Variants in DENND1A observed in about 807,000 individuals in gnomAD.
The protein encoded by DENND1A is DENN domain-containing protein 1A.
In DENND1A, 51 loss-of-function variants were observed where a neutral mutation model predicts 113.7. That is an observed-to-expected ratio of 0.45 (90% CI 0.36 to 0.57). DENND1A has a LOEUF of 0.57. Ranked by LOEUF, DENND1A falls within the 20% of genes least tolerant of loss-of-function variation. DENND1A has a pLI of 0.00. For synonymous variants in DENND1A, 565 were observed against 570.8 expected (o/e 0.99, Z 0.14); for missense variants, 1,258 against 1,395.9 (o/e 0.90, Z 1.57).
At chr9:123,545,499 C>T (rs978582143) in intron 13 of DENND1A, among the ~76,000 whole-genome samples, 2 of 151,952 alleles carry the variant, frequency 1.3e-5, no homozygotes, top group East Asian at 3.9e-4. Flanking sequence ...CAGAGTCTCG[C>T]TCTGTCGCCC....
intron 13 of DENND1A, among the ~76,000 whole-genome samples, chr9:123,551,022 T>C (rs1320185208): frequency 6.6e-6 from 1 of 152,222 alleles, no homozygotes; most frequent in Non-Finnish European, 1.5e-5. Flanking sequence ...ATAAATGAGC[T>C]GGAGCCTGGG....
chr9:123,403,663 G>C, intron 20 of DENND1A, 173 bp from the exon 21 acceptor site: 1 of 614,500 alleles, frequency 1.6e-6, no homozygotes, highest in Non-Finnish European at 2.9e-6. Flanking sequence ...ATAGGCAGCA[G>C]ACAGACACAT....
intron 4 of DENND1A, among the ~76,000 whole-genome samples, chr9:123,768,347 T>C (rs970082802): frequency 6.6e-6 from 1 of 152,172 alleles, no homozygotes; most frequent in Non-Finnish European, 1.5e-5. Context: ...TCTCATCTCA[T>C]ACCATTTTTA....
intron 13 of DENND1A, among the ~76,000 whole-genome samples, chr9:123,479,367 G>C (rs1183348689): frequency 6.6e-6 from 1 of 152,228 alleles, no homozygotes; most frequent in African/African-American, 2.4e-5. Flanking sequence ...ATGCTTTTCA[G>C]CCCTGCTTCT....
chr9:123,461,718 C>T (rs2048538227), intron 13 of DENND1A, among the ~76,000 whole-genome samples: 1 of 152,204 alleles, frequency 6.6e-6, no homozygotes, highest in South Asian at 2.1e-4. Flanking sequence ...ACATTTTGGG[C>T]CTGTTGTGTG....
At chr9:123,757,279 G>A (rs1005660884) in intron 5 of DENND1A, among the ~76,000 whole-genome samples, 2 of 152,144 alleles carry the variant, frequency 1.3e-5, no homozygotes, top group Admixed American at 6.5e-5. Context: ...AGGGGGCAAG[G>A]GTGTTACTTT....
chr9:123,686,715 A>G (rs1275530814), intron 5 of DENND1A, among the ~76,000 whole-genome samples: 2 of 152,228 alleles, frequency 1.3e-5, no homozygotes, highest in Non-Finnish European at 1.5e-5. Flanking sequence ...TGCCTCTGCT[A>G]TACCCTAAAT....
intron 5 of DENND1A, among the ~76,000 whole-genome samples, chr9:123,699,377 T>C (rs892618027): frequency 1.3e-4 from 20 of 152,138 alleles, no homozygotes; most frequent in African/African-American, 4.8e-4. Flanking sequence ...AATATATACA[T>C]TTAAGTTATC....
chr9:123,655,185 G>A (rs2062871560), intron 8 of DENND1A, among the ~76,000 whole-genome samples: 1 of 152,172 alleles, frequency 6.6e-6, no homozygotes, highest in African/African-American at 2.4e-5. Context: ...AAGTTCTCCT[G>A]TATGCTTCCA....
intron 8 of DENND1A, among the ~76,000 whole-genome samples, chr9:123,652,991 T>C (rs1317154276): frequency 6.6e-6 from 1 of 152,226 alleles, no homozygotes; most frequent in Non-Finnish European, 1.5e-5. Context: ...TCTTCAATGT[T>C]ACAGGTTTTC....
At chr9:123,633,048 C>A (rs571679701) in intron 9 of DENND1A, among the ~76,000 whole-genome samples, 72 of 152,296 alleles carry the variant, frequency 4.7e-4, no homozygotes, top group African/African-American at 1.7e-3. Flanking sequence ...GCTGTGACTA[C>A]AGGTGTGTGC....
intron 18 of DENND1A, among the ~76,000 whole-genome samples, chr9:123,449,445 G>T (rs2047543427): frequency 6.6e-6 from 1 of 150,596 alleles, no homozygotes; most frequent in Non-Finnish European, 1.5e-5. Flanking sequence ...TGAGGCAGGA[G>T]AATCACTTGA....
At chr9:123,569,611 T>G (rs1273921705) in intron 12 of DENND1A, 1 of 152,202 alleles carries the variant, frequency 6.6e-6, no homozygotes, top group Non-Finnish European at 1.5e-5. Context: ...TGAATGAAAT[T>G]TACAAGTCAC....
intron 10 of DENND1A, among the ~76,000 whole-genome samples, chr9:123,624,327 ATAGAATGAAGTTAT>A (rs2061098479): frequency 6.6e-6 from 1 of 152,224 alleles, no homozygotes; most frequent in Non-Finnish European, 1.5e-5. Flanking sequence ...ACTGGGCATA[ATAGAATGAAGTTAT>A]TAGCATTGAC....
At chr9:123,407,688 C>A (rs923330067) in intron 20 of DENND1A, among the ~76,000 whole-genome samples, 1 of 152,020 alleles carries the variant, frequency 6.6e-6, no homozygotes, top group South Asian at 2.1e-4. Context: ...CAGCCGCGTC[C>A]GGGGAGAAAA....
Position 123,460,905 on chromosome 9 carries a change from C to T in DENND1A, c.994-3008G>A, listed in dbSNP as rs138888061. Among the ~76,000 whole-genome samples, 20 of 152,348 alleles carry T rather than the reference C, an allele frequency of 1.3e-4. No homozygotes were observed. The East Asian group carries it at 3.9e-3, about 29-fold the overall frequency. The stretch of plus-strand genomic sequence containing the variant: ...CACTAGACTATATGCTTCACGCAGG[C>T]CGGAATGGTGTCTGTTTTGTTCAAC... On this transcript the variant is annotated intron_variant, in intron 13 of 23. Transcript: ENST00000394215.
intron 19 of DENND1A, among the ~76,000 whole-genome samples, chr9:123,433,925 T>A (rs10818820): frequency 6.6e-6 from 1 of 152,032 alleles, no homozygotes; most frequent in South Asian, 2.1e-4. Flanking sequence ...CTCCATTCCC[T>A]TCCGGGGACA....
At chr9:123,644,060 C>T (rs1401778402) in intron 9 of DENND1A, among the ~76,000 whole-genome samples, 1 of 152,030 alleles carries the variant, frequency 6.6e-6, no homozygotes, top group African/African-American at 2.4e-5. Context: ...GTTTTAATTC[C>T]ATCTCTGCTG....
At chr9:123,435,956 C>T (rs1466298218) in intron 19 of DENND1A, among the ~76,000 whole-genome samples, 4 of 152,234 alleles carry the variant, frequency 2.6e-5, no homozygotes, top group African/African-American at 9.6e-5. Context: ...ATCTATGGCT[C>T]ACCCATCTTA....
Sources: gnomAD v4.1 joint callset for allele counts (sites outside exome capture counted in the v4.1 genomes callset) on GRCh38, gnomAD v4.1.1 for gene constraint, MANE v1.5 for transcripts, NCBI Gene and HGNC (gene_info 2026-07-23, HGNC 2026-07-21) for gene names.